Variants in MCF2L observed in about 807,000 individuals in gnomAD.
The protein encoded by MCF2L is guanine nucleotide exchange factor DBS.
A neutral mutation model predicts 153.4 loss-of-function variants in MCF2L; 97 were observed. That is an observed-to-expected ratio of 0.63 (90% CI 0.54 to 0.75). The LOEUF is 0.75. Among genes scored for constraint, MCF2L ranks in the 30% least tolerant of loss-of-function variants. The pLI, the probability that MCF2L is intolerant of heterozygous loss-of-function variation, is 0.00. For missense variants in MCF2L, 1,347 were observed against 1,495.2 expected (o/e 0.90, Z 1.64); for synonymous variants, 659 against 632.2 (o/e 1.04, Z -0.64).
chr13:112,916,278 G>C (rs1194307769), intron 2 of MCF2L, among the ~76,000 whole-genome samples: 2 of 151,044 alleles, frequency 1.3e-5, no homozygotes, highest in African/African-American at 5.0e-5. Context: ...TAGGTTAGCG[G>C]ATAGTTTATC....
chr13:112,920,598 C>T (rs1157395534), intron 2 of MCF2L, among the ~76,000 whole-genome samples: 2 of 151,376 alleles, frequency 1.3e-5, no homozygotes, highest in East Asian at 2.0e-4. Flanking sequence ...CTGCGGTTAC[C>T]GGGCTGCTCT....
Position 113,024,668 on chromosome 13 carries a change from C to G in MCF2L, c.188C>G (p.Pro63Arg), listed in dbSNP as rs779032423. The G allele has an allele frequency of 5.0e-6, 8 of 1,613,914 alleles. No homozygotes were observed. The highest frequency in any genetic ancestry group is 1.1e-5 in the South Asian group (1 of 91,080). ...GGTGGGCGGGGGCAGGACGGAAGCC[C>G]GGTTATCACCTTCCCTGACTACCCG... ...LSGGRGQDGS[P>R]VITFPDYPAF... The change falls in exon 3 of 30, where the codon CCG becomes CGG. Residue 63 changes from proline (P) to arginine (R), a missense_variant. By Grantham distance (103) the Pro-to-Arg change is moderately radical. This residue lies in a region of MCF2L where 820 missense variants were observed against 921.2 expected (regional missense o/e 0.89). Coordinates refer to ENST00000535094, the MANE Select transcript of MCF2L (RefSeq NM_001112732.3).
chr13:113,029,864 C>T (rs1312672805), intron 3 of MCF2L, among the ~76,000 whole-genome samples: 2 of 152,210 alleles, frequency 1.3e-5, no homozygotes, highest in African/African-American at 2.4e-5. Flanking sequence ...ATTGACCAGG[C>T]CTGTTCTTTC....
In MCF2L at chr13:113,045,437, T is replaced by C; in HGVS notation, c.369+76T>C. 1 of 1,255,950 alleles carries C rather than the reference T, an allele frequency of 8.0e-7. No homozygotes were observed. The highest frequency in any genetic ancestry group is 1.2e-5 in the South Asian group (1 of 82,232). The allele number at this position is 1,255,950 out of a possible 1,614,324, so 77.8% of individuals were successfully genotyped here. ...ATGACCGCATGGTGCCCTTCCTCTG[T>C]GTCTGCCGCAGTTCCTGCTTTGTGC... is the stretch of plus-strand genomic sequence containing the variant. On this transcript the variant is annotated intron_variant, in intron 4 of 29. Transcript: ENST00000535094. The surrounding 1 kb of genome is among the most constrained non-coding windows in gnomAD (Gnocchi z 4.2).
intron 2 of MCF2L, among the ~76,000 whole-genome samples, chr13:112,931,361 G>C (rs2081461583): frequency 6.6e-6 from 1 of 152,218 alleles, no homozygotes. Flanking sequence ...ATACAGGTCG[G>C]CAGTGCTGAC....
At chr13:113,087,507 G>T (rs767497441) in intron 22 of MCF2L, 51 bp downstream of exon 22, 6 of 1,456,094 alleles carry the variant, frequency 4.1e-6, no homozygotes, top group South Asian at 3.8e-5. Flanking sequence ...AGACCCCGAC[G>T]GGGGAAGTCT....
At chr13:112,901,441 A>C (rs1302474011) in intron 1 of MCF2L, among the ~76,000 whole-genome samples, 1 of 152,210 alleles carries the variant, frequency 6.6e-6, no homozygotes, top group Non-Finnish European at 1.5e-5. Flanking sequence ...GGCGTGAGCC[A>C]CAATACGGTT....
chr13:112,926,431 G>C (rs1055382391), intron 2 of MCF2L, among the ~76,000 whole-genome samples: 3 of 151,500 alleles, frequency 2.0e-5, no homozygotes, highest in Non-Finnish European at 4.4e-5. Context: ...AGTACGGCCT[G>C]GTTTCTATAC....
chr13:112,966,333 G>A (rs1286036320), upstream of MCF2L, among the ~76,000 whole-genome samples: 1 of 152,218 alleles, frequency 6.6e-6, no homozygotes, highest in African/African-American at 2.4e-5. This position sits in a 1 kb window ranked among gnomAD's most constrained non-coding sequence, Gnocchi z 4.1. Flanking sequence ...CTGGGGACTG[G>A]GGAGAGTTGG....
At chr13:113,075,211 C>A (rs1313647598) in intron 11 of MCF2L, 22 bp downstream of exon 11, 3 of 1,561,720 alleles carry the variant, frequency 1.9e-6, no homozygotes, top group Non-Finnish European at 2.6e-6. Context: ...CGGACCCCAC[C>A]CCACTCCCCC....
rs1463873727 is a variant in MCF2L, at chr13:112,941,992, G to A, written c.169+39621G>A. On this transcript the variant is annotated intron_variant, in intron 2 of 29. Transcript: ENST00000375608. This position sits in a 1 kb window ranked among gnomAD's most constrained non-coding sequence, Gnocchi z 4.9. ...TCTGGGAAGACGCCCGTTGCCAAGC[G>A]GACCATGGTCTAGCGGTAGCGTCAG... Among the ~76,000 whole-genome samples, 3 of 152,162 alleles carry A rather than the reference G, an allele frequency of 2.0e-5. No homozygotes were observed. The highest frequency in any genetic ancestry group is 2.9e-5 in the Non-Finnish European group (2 of 68,046).
chr13:113,006,661 C>A (rs1013972578), intron 1 of MCF2L, among the ~76,000 whole-genome samples: 2 of 152,208 alleles, frequency 1.3e-5, no homozygotes, highest in Non-Finnish European at 2.9e-5. Flanking sequence ...GAAAGGGAGA[C>A]GTGTGCATCT....
Position 113,075,153 on chromosome 13 carries a change from C to T in MCF2L, c.1272C>T (p.Leu424=), listed in dbSNP as rs2033330301. The T allele has an allele frequency of 1.2e-6, 2 of 1,610,346 alleles. No homozygotes were observed. Among genetic ancestry groups the T allele is most frequent in the East Asian group, 4.5e-5 (2 of 44,720 alleles). ...AGATCGCAAGGAGGAGGGGGCTGCT[C>T]AGCAAGTCCCTGGAGCTGCACCGCC... ...SAEIARRRGL[L]SKSLELHRRL... is the part of the protein sequence containing the mutation. Residue 424 remains leucine, a synonymous_variant, in exon 11 of 30, where the codon CTC becomes CTT. Coordinates refer to ENST00000535094, the MANE Select transcript of MCF2L (RefSeq NM_001112732.3).
In MCF2L at chr13:113,002,132, T is replaced by C. The variant is rs1478989029; in HGVS notation, c.80-12631T>C. 6.1e-6 allele frequency: 6 copies of C among 982,192 alleles called. No homozygotes were observed. In the Admixed American group the frequency reaches 2.0e-4, roughly 33 times the overall value. The allele number at this position is 982,192 out of a possible 1,614,324, so 60.8% of individuals were successfully genotyped here. ...GCCCGGGGCTGGGGGATGCCGGGGA[T>C]GGATGTTGGGGTGGGTGCCTCCGAG... On this transcript the variant is annotated intron_variant, in intron 1 of 29. Transcript: ENST00000535094.
chr13:113,066,702 C>A (rs973330831), intron 8 of MCF2L, among the ~76,000 whole-genome samples: 1 of 152,014 alleles, frequency 6.6e-6, no homozygotes, highest in Admixed American at 6.5e-5. Flanking sequence ...CCTCACCCCC[C>A]GAGAACTCCC....
chr13:113,011,921 C>T lies in MCF2L; in HGVS notation c.80-2842C>T, dbSNP rs1299889251. ...TGGACGGTGGACACTGTGATGCGGA[C>T]GGTGGACAGGCGGTGTGGATGGTGG... On this transcript the variant is annotated intron_variant, in intron 1 of 29. Transcript: ENST00000535094. 4.5e-4 allele frequency among the ~76,000 whole-genome samples: 41 copies of T among 91,890 alleles called. 1 individual carries two copies. The East Asian group carries it at 5.6e-3, about 12-fold the overall frequency. 60.3% of individuals were successfully genotyped at this position (91,890 alleles called of 152,430 possible). A position where few individuals can be genotyped will look rare whatever the true frequency, so the allele number is the denominator to read the frequency against.
intron 2 of MCF2L, chr13:112,957,053 T>A (rs2081766698): frequency 6.6e-6 from 1 of 152,084 alleles, no homozygotes; most frequent in Non-Finnish European, 1.5e-5. Flanking sequence ...GTGATGCCTT[T>A]GTGATTTTGT....
At chr13:113,051,076 G>A (rs1321957554) in intron 4 of MCF2L, among the ~76,000 whole-genome samples, 1 of 152,180 alleles carries the variant, frequency 6.6e-6, no homozygotes, top group Admixed American at 6.5e-5. Context: ...TCAGAACACC[G>A]CTGCTGTGTG....
chr13:113,015,089 G>A (rs1297938612), intron 2 of MCF2L, among the ~76,000 whole-genome samples: 1 of 152,216 alleles, frequency 6.6e-6, no homozygotes, highest in Non-Finnish European at 1.5e-5. Context: ...GGTCCCCAGG[G>A]GGATGTGGCC....
Sources: gnomAD v4.1 joint callset for allele counts (sites outside exome capture counted in the v4.1 genomes callset) on GRCh38, gnomAD v4.1.1 for gene constraint, gnomAD v4.1.1 regional missense constraint, Gnocchi (gnomAD v3.1) non-coding constraint, MANE v1.5 for transcripts, NCBI Gene and HGNC (gene_info 2026-07-23, HGNC 2026-07-21) for gene names.